Variants in SUFU observed in about 807,000 individuals in gnomAD.
SUFU encodes the protein SUFU negative regulator of hedgehog signaling.
Under a neutral mutation model 58.9 loss-of-function variants are expected in SUFU, and 7 were observed. The observed-to-expected ratio is 0.12, with a 90% CI of 0.07 to 0.22. The LOEUF (loss-of-function observed/expected upper bound fraction) is 0.22, where lower values mean the gene tolerates loss of function less well. SUFU is among the 10% of genes least tolerant of loss of function. SUFU has a pLI of 1.00. For missense variants in SUFU, 451 were observed against 641.3 expected (o/e 0.70, Z 3.20); for synonymous variants, 232 against 254.8 (o/e 0.91, Z 0.85).
intron 1 of SUFU, among the ~76,000 whole-genome samples, chr10:102,508,401 A>G (rs891735759): frequency 1.3e-5 from 2 of 152,172 alleles, no homozygotes; most frequent in African/African-American, 4.8e-5. Flanking sequence ...GGGAAATTTA[A>G]TGTGGTCCTG....
chr10:102,510,378 T>C (rs2062386158), intron 2 of SUFU, among the ~76,000 whole-genome samples: 1 of 151,708 alleles, frequency 6.6e-6, no homozygotes, highest in Non-Finnish European at 1.5e-5. Flanking sequence ...CCCAGCTAAT[T>C]TTTGTATTTT....
chr10:102,558,911 C>T (rs971198582), intron 3 of SUFU, among the ~76,000 whole-genome samples: 1 of 152,206 alleles, frequency 6.6e-6, no homozygotes, highest in Non-Finnish European at 1.5e-5. Flanking sequence ...AACACCCTGA[C>T]CAGAGTGGCC....
chr10:102,548,399 G>A (rs1003948629), intron 2 of SUFU, among the ~76,000 whole-genome samples: 1 of 152,070 alleles, frequency 6.6e-6, no homozygotes, highest in Non-Finnish European at 1.5e-5. Context: ...CTTGCCTCTC[G>A]GGGTGATGAT....
At chr10:102,515,339 C>T (rs1166058848) in intron 2 of SUFU, among the ~76,000 whole-genome samples, 2 of 131,130 alleles carry the variant, frequency 1.5e-5, no homozygotes, top group Non-Finnish European at 3.2e-5. Flanking sequence ...TTTTTTGAGA[C>T]GGAGTCTTGC....
intron 3 of SUFU, among the ~76,000 whole-genome samples, chr10:102,577,750 G>A (rs1207161576): frequency 5.4e-5 from 8 of 146,930 alleles, no homozygotes; most frequent in Admixed American, 6.8e-5. Context: ...GCACGATCCC[G>A]GCTCACTGCA....
At chr10:102,572,034 G>A (rs912476242) in intron 3 of SUFU, among the ~76,000 whole-genome samples, 4 of 152,010 alleles carry the variant, frequency 2.6e-5, no homozygotes, top group Non-Finnish European at 2.9e-5. Flanking sequence ...CTTTTAAAGG[G>A]CTTTTACCTG....
chr10:102,550,819 G>T (rs1424401024), intron 3 of SUFU, among the ~76,000 whole-genome samples: 1 of 149,068 alleles, frequency 6.7e-6, no homozygotes, highest in Non-Finnish European at 1.5e-5. Context: ...TCGACTCACT[G>T]CAACCTATGC....
rs2062739444 is a variant in SUFU at position 102,536,294 on chromosome 10, T to A, written c.318-13676T>A. 1.3e-5 allele frequency among the ~76,000 whole-genome samples: 2 copies of A among 150,288 alleles called. 1 individual carries two copies. Among genetic ancestry groups the A allele is most frequent in the South Asian group, 4.2e-4 (2 of 4,750 alleles). On this transcript the variant is annotated intron_variant, in intron 2 of 11. Transcript: ENST00000369902. ...CCAGGAGATTATAAATGGTAGAAAA[T>A]TTTGGAAAATACAAAGAAGTTTGAA...
rs778399044 is a variant in SUFU, at chr10:102,593,636, A to G, written c.598A>G (p.Ile200Val). The change falls in exon 5 of 12, where the codon ATC (isoleucine) becomes GTC (valine). Residue 200 changes from isoleucine (I) to valine (V), a missense_variant and splice_region_variant. Ile to Val is a conservative substitution (Grantham distance 29, BLOSUM62 3). Coordinates refer to ENST00000369902, the MANE Select transcript of SUFU (RefSeq NM_016169.4). ...ATGGGCTTTCTATCCTGGGCCTCAG[A>G]TCGTTGGTGTCTGCACTGAAGAGCT... is the stretch of plus-strand genomic sequence containing the variant. ...TPFGVVTFLQ[I>V]VGVCTEELHS... The G allele has an allele frequency of 6.2e-7, 1 of 1,614,070 alleles. No homozygotes were observed. Among genetic ancestry groups the G allele is most frequent in the South Asian group, 1.1e-5 (1 of 91,080 alleles).
chr10:102,630,232 C>T lies in SUFU; in HGVS notation c.*77C>T, dbSNP rs796937419. The T allele has an allele frequency of 2.4e-5, 29 of 1,231,508 alleles. No individual in the cohort carries two copies. Among genetic ancestry groups the T allele is most frequent in the African/African-American group, 1.6e-4 (11 of 67,600 alleles). 76.3% of individuals were successfully genotyped at this position (1,231,508 alleles called of 1,614,324 possible). A position where few individuals can be genotyped will look rare whatever the true frequency, so the allele number is the denominator to read the frequency against. ...ACTTCCAGTGTAACAGTTGTGTCAA[C>T]GAGATCTCCACAAATAAAAGGACAA... is the stretch of plus-strand genomic sequence containing the variant. On this transcript the variant is annotated 3_prime_UTR_variant, in exon 12 of 12. Transcript: ENST00000369902.
chr10:102,609,418 G>A (rs2063598312), intron 8 of SUFU, among the ~76,000 whole-genome samples: 1 of 152,210 alleles, frequency 6.6e-6, no homozygotes, highest in South Asian at 2.1e-4. Context: ...GCTGGAAGGA[G>A]AGAGATGTTA....
chr10:102,585,812 G>A (rs2063330309), intron 3 of SUFU, among the ~76,000 whole-genome samples: 1 of 151,592 alleles, frequency 6.6e-6, no homozygotes, highest in Non-Finnish European at 1.5e-5. Context: ...TGGCCTCATT[G>A]TGGTTTTGAT....
rs1046920461 is a variant in SUFU, at chr10:102,633,482, C to G, written c.*3327C>G. The G allele has an allele frequency of 1.8e-5, 4 of 219,232 alleles. No homozygotes were observed. Among genetic ancestry groups the G allele is most frequent in the Non-Finnish European group, 3.7e-5 (4 of 109,150 alleles). The allele number at this position is 219,232 out of a possible 1,614,324, so 13.6% of individuals were successfully genotyped here. On this transcript the variant is annotated 3_prime_UTR_variant, in exon 12 of 12. Coordinates refer to ENST00000369902, the MANE Select transcript of SUFU (RefSeq NM_016169.4). ...GCCTGGGTTGTGTGCTCATTTCTGG[C>G]TGCCTGAAGTAGTGGAGCCGGAAGC... is the stretch of plus-strand genomic sequence containing the variant.
intron 3 of SUFU, among the ~76,000 whole-genome samples, chr10:102,566,462 T>C (rs2063090303): frequency 6.6e-6 from 1 of 151,966 alleles, no homozygotes; most frequent in Non-Finnish European, 1.5e-5. Context: ...AAACCACGTC[T>C]CTATTAAAAG....
chr10:102,514,058 T>A (rs2062434091), intron 2 of SUFU, among the ~76,000 whole-genome samples: 1 of 152,038 alleles, frequency 6.6e-6, no homozygotes, highest in Non-Finnish European at 1.5e-5. Context: ...CAAATTTTTT[T>A]TTTTTTATTG....
intron 8 of SUFU, among the ~76,000 whole-genome samples, chr10:102,609,086 T>G (rs1238402366): frequency 6.6e-6 from 1 of 152,214 alleles, no homozygotes; most frequent in Non-Finnish European, 1.5e-5. Flanking sequence ...AGAAATATTA[T>G]AGTTACTTTT....
chr10:102,578,103 C>T lies in SUFU; in HGVS notation c.455-14479C>T, dbSNP rs1483468376. Among the ~76,000 whole-genome samples the T allele has an allele frequency of 4.2e-5, 6 of 142,218 alleles. No individual in the cohort carries two copies. The East Asian group carries it at 6.6e-4, about 16-fold the overall frequency. 93.3% of individuals were successfully genotyped at this position (142,218 alleles called of 152,430 possible). A position where few individuals can be genotyped will look rare whatever the true frequency, so the allele number is the denominator to read the frequency against. On this transcript the variant is annotated intron_variant, in intron 3 of 11. Transcript: ENST00000369902. ...CGGGTGAATCACGAGGTCAGGAGATCGAGACCATCCTGGCTAACATGGTGA... is the reference window on the plus strand; with the variant it reads ...CGGGTGAATCACGAGGTCAGGAGATTGAGACCATCCTGGCTAACATGGTGA...
rs538430279 is a variant in SUFU, at chr10:102,580,470, G to A, written c.455-12112G>A. Among the ~76,000 whole-genome samples, 6 of 152,258 alleles carry A rather than the reference G, an allele frequency of 3.9e-5. No individual in the cohort carries two copies. In the East Asian group the frequency reaches 9.7e-4, roughly 24 times the overall value. On this transcript the variant is annotated intron_variant, in intron 3 of 11. Coordinates refer to ENST00000369902, the MANE Select transcript of SUFU (RefSeq NM_016169.4). ...AGTGTGGGTCTTGCGTCATTACTCT[G>A]CTGTAAGGTTCTTTGGCTTGGGGAG...
chr10:102,606,757 G>A (rs1421189780), intron 8 of SUFU, among the ~76,000 whole-genome samples: 1 of 152,114 alleles, frequency 6.6e-6, no homozygotes, highest in Non-Finnish European at 1.5e-5. Flanking sequence ...ATTTAGCTGA[G>A]AGAGGCATAC....
Sources: gnomAD v4.1 joint callset for allele counts (sites outside exome capture counted in the v4.1 genomes callset) on GRCh38, gnomAD v4.1.1 for gene constraint, MANE v1.5 for transcripts, NCBI Gene and HGNC (gene_info 2026-07-23, HGNC 2026-07-21) for gene names.